Variants in ELP4 observed in about 807,000 individuals in gnomAD.
ELP4 encodes the protein elongator complex protein 4.
ELP4 carries 51 observed loss-of-function variants against 48.9 expected under a neutral mutation model. That is an observed-to-expected ratio of 1.04 (90% CI 0.83 to 1.32). ELP4 has a LOEUF of 1.32. ELP4 is among the 40% of genes most tolerant of loss of function. The probability of loss-of-function intolerance (pLI) is 0.00; values close to 1 mark genes in which losing one functional copy is unlikely to be tolerated. For synonymous variants in ELP4, 210 were observed against 189.2 expected, an observed-to-expected ratio of 1.11 and a Z score of -0.90; for missense variants, 519 against 514.6, an observed-to-expected ratio of 1.01 and a Z score of -0.08.
chr11:31,620,679 G>A (rs1317992481), intron 5 of ELP4, among the ~76,000 whole-genome samples: 1 of 151,886 alleles, frequency 6.6e-6, no homozygotes, highest in Admixed American at 6.6e-5. Context: ...CTAAAACCTT[G>A]TTTACATCAG....
At chr11:31,684,651 C>G (rs532542800) in intron 9 of ELP4, among the ~76,000 whole-genome samples, 1 of 152,252 alleles carries the variant, frequency 6.6e-6, no homozygotes, top group South Asian at 2.1e-4. Flanking sequence ...TCACCTGTGA[C>G]TTATGCCAAA....
At chr11:31,656,989 A>G (rs1945451171) in intron 9 of ELP4, among the ~76,000 whole-genome samples, 2 of 152,066 alleles carry the variant, frequency 1.3e-5, no homozygotes, top group African/African-American at 4.8e-5. Flanking sequence ...ATAGAAAAAA[A>G]GAAAACAGAA....
At chr11:31,761,361 A>G (rs1458329976) in intron 9 of ELP4, among the ~76,000 whole-genome samples, 1 of 151,868 alleles carries the variant, frequency 6.6e-6, no homozygotes, top group East Asian at 1.9e-4. Flanking sequence ...AGCCATTCAG[A>G]TGCTGTTTAG....
At chr11:31,534,824 A>T (rs957061087) in intron 2 of ELP4, among the ~76,000 whole-genome samples, 8 of 152,230 alleles carry the variant, frequency 5.3e-5, no homozygotes, top group African/African-American at 1.9e-4. Flanking sequence ...CTCTAAACTG[A>T]CTTAATAGTA....
At chr11:31,618,011 G>A (rs1158194579) in intron 5 of ELP4, among the ~76,000 whole-genome samples, 1 of 151,878 alleles carries the variant, frequency 6.6e-6, no homozygotes, top group Non-Finnish European at 1.5e-5. Context: ...GTACATTTAT[G>A]TACAAAAACC....
At chr11:31,667,226 C>T (rs184557198) in intron 9 of ELP4, among the ~76,000 whole-genome samples, 27 of 152,262 alleles carry the variant, frequency 1.8e-4, no homozygotes, top group African/African-American at 5.3e-4. Flanking sequence ...TTGGAGCAAG[C>T]ACTTAATAAG....
intron 9 of ELP4, among the ~76,000 whole-genome samples, chr11:31,708,199 A>T (rs1946672571): frequency 6.6e-6 from 1 of 152,134 alleles, no homozygotes; most frequent in African/African-American, 2.4e-5. Context: ...CCAGAGTAGT[A>T]TCTCCTACAG....
chr11:31,509,815 G>T lies in ELP4; in HGVS notation c.31G>T (p.Ala11Ser), dbSNP rs372209718. Reference protein sequence around the residue: MAAVATCGSVAASTGSAVATA... With the variant: MAAVATCGSVSASTGSAVATA... ...GGCAGTGGCAACCTGCGGTAGTGTTGCCGCGAGTACTGGGTCTGCAGTGGC... is the reference window on the plus strand; with the variant it reads ...GGCAGTGGCAACCTGCGGTAGTGTTTCCGCGAGTACTGGGTCTGCAGTGGC... Residue 11 changes from alanine (A) to serine (S), a missense_variant, in exon 1 of 10, where the codon GCC (alanine) becomes TCC (serine). Transcript: ENST00000640961. 8.7e-6 allele frequency: 14 copies of T among 1,614,142 alleles called. No individual in the cohort carries two copies. Among genetic ancestry groups the T allele is most frequent in the South Asian group, 3.3e-5 (3 of 91,080 alleles).
At chr11:31,768,115 T>C (rs1592294060) in intron 9 of ELP4, among the ~76,000 whole-genome samples, 1 of 152,180 alleles carries the variant, frequency 6.6e-6, no homozygotes, top group Non-Finnish European at 1.5e-5. Context: ...AGGGCTCTGA[T>C]ACTTAAGATT....
intron 9 of ELP4, among the ~76,000 whole-genome samples, chr11:31,746,779 C>T (rs1170568028): frequency 6.6e-6 from 1 of 151,940 alleles, no homozygotes; most frequent in African/African-American, 2.4e-5. Flanking sequence ...AGGAGATATA[C>T]CTAATGCTAA....
In ELP4 at chr11:31,724,662, A is replaced by G. The variant is rs563314789; in HGVS notation, c.1144-58731A>G. 3.3e-5 allele frequency among the ~76,000 whole-genome samples: 5 copies of G among 152,346 alleles called. No homozygotes were observed. The East Asian group carries it at 9.7e-4, about 29-fold the overall frequency. ...TCACTCCAGAGTGTAGGATGTCACC[A>G]TACAAAAGCATGAAATAAGAGCCAT... On this transcript the variant is annotated intron_variant, in intron 9 of 9. Transcript: ENST00000640961.
chr11:31,723,495 T>G (rs1947012116), intron 9 of ELP4, among the ~76,000 whole-genome samples: 1 of 152,194 alleles, frequency 6.6e-6, no homozygotes, highest in Non-Finnish European at 1.5e-5. Context: ...AGCACAGTTT[T>G]CTGTGTGATG....
At chr11:31,767,534 C>G (rs951819744) in intron 9 of ELP4, 2 of 152,104 alleles carry the variant, frequency 1.3e-5, no homozygotes, top group East Asian at 1.9e-4. Flanking sequence ...AAACTTAGCT[C>G]CTGTTAACAT....
At chr11:31,726,107 G>T (rs1195840649) in intron 9 of ELP4, among the ~76,000 whole-genome samples, 1 of 152,198 alleles carries the variant, frequency 6.6e-6, no homozygotes, top group East Asian at 1.9e-4. Context: ...AACAGAGGTT[G>T]AGATCTGGAA....
At chr11:31,625,596 T>C (rs918051257) in intron 5 of ELP4, among the ~76,000 whole-genome samples, 1 of 151,824 alleles carries the variant, frequency 6.6e-6, no homozygotes, top group Non-Finnish European at 1.5e-5. Flanking sequence ...TTATATGAAA[T>C]AATAAGGGTT....
At chr11:31,743,613 A>G (rs1380260321) in intron 9 of ELP4, among the ~76,000 whole-genome samples, 1 of 152,208 alleles carries the variant, frequency 6.6e-6, no homozygotes. Context: ...CCGCTCAACT[A>G]CATGGAAACT....
intron 9 of ELP4, among the ~76,000 whole-genome samples, chr11:31,708,840 A>C (rs1462714736): frequency 3.3e-5 from 5 of 152,150 alleles, no homozygotes; most frequent in Admixed American, 6.6e-5. Flanking sequence ...TAAAGTTTCC[A>C]CTGTTAGTGT....
intron 9 of ELP4, among the ~76,000 whole-genome samples, chr11:31,686,992 T>TCATCAC (rs1172249455): frequency 1.3e-5 from 2 of 152,050 alleles, no homozygotes; most frequent in Admixed American, 6.5e-5. Context: ...GTGATCATCA[T>TCATCAC]CATCACCATC....
chr11:31,776,950 G>C (rs1948260775), intron 9 of ELP4, among the ~76,000 whole-genome samples: 1 of 152,076 alleles, frequency 6.6e-6, no homozygotes, highest in Admixed American at 6.5e-5. Context: ...ATGTACACTT[G>C]CCAATCCAAA....
Sources: allele counts gnomAD v4.1 joint callset (sites outside exome capture counted in the v4.1 genomes callset), GRCh38; gene constraint gnomAD v4.1.1; transcripts MANE v1.5; gene names NCBI Gene and HGNC (gene_info 2026-07-23, HGNC 2026-07-21).